IQCM: variants seen among roughly 807,000 people sequenced by gnomAD.
IQCM encodes the protein IQ domain-containing protein M.
A neutral mutation model predicts 57.6 loss-of-function variants in IQCM; 45 were observed. The observed-to-expected ratio is 0.78, with a 90% CI of 0.62 to 1.00. The LOEUF is 1.00. Ranked by LOEUF, IQCM falls within the 50% of genes least tolerant of loss-of-function variation. The probability of loss-of-function intolerance (pLI) is 0.00; values close to 1 mark genes in which losing one functional copy is unlikely to be tolerated. For synonymous variants in IQCM, 148 were observed against 158.9 expected (o/e 0.93, Z 0.51); for missense variants, 468 against 511.6 (o/e 0.91, Z 0.82).
intron 12 of IQCM, among the ~76,000 whole-genome samples, chr4:149,460,612 G>A (rs1456844017): frequency 6.6e-6 from 1 of 151,868 alleles, no homozygotes; most frequent in African/African-American, 2.4e-5. Context: ...CATCACATAA[G>A]AGGATCAATA....
chr4:149,507,634 T>TG (rs562259455), intron 12 of IQCM, among the ~76,000 whole-genome samples: 228 of 152,114 alleles, frequency 1.5e-3, no homozygotes, highest in Non-Finnish European at 2.4e-3. Flanking sequence ...ATTCAAGAGG[T>TG]GACTTGGGTA....
At chr4:149,418,504 C>T (rs963972703) in intron 13 of IQCM, among the ~76,000 whole-genome samples, 1 of 151,998 alleles carries the variant, frequency 6.6e-6, no homozygotes, top group African/African-American at 2.4e-5. Context: ...TAAATTCTAC[C>T]AGAAATACCA....
At chr4:149,480,085 A>AC (rs1237840728) in intron 12 of IQCM, among the ~76,000 whole-genome samples, 1 of 152,214 alleles carries the variant, frequency 6.6e-6, no homozygotes, top group Non-Finnish European at 1.5e-5. Context: ...TTCTCTTCAA[A>AC]CATCATAAGC....
intron 2 of IQCM, among the ~76,000 whole-genome samples, chr4:149,753,373 A>C (rs1317226216): frequency 2.0e-5 from 3 of 152,194 alleles, no homozygotes; most frequent in Non-Finnish European, 2.9e-5. Flanking sequence ...CAGAAACAAA[A>C]TAGAGATATG....
chr4:149,626,375 T>C (rs1316781102), intron 7 of IQCM, among the ~76,000 whole-genome samples: 1 of 84,332 alleles, frequency 1.2e-5, no homozygotes. Context: ...GTGATTGTGT[T>C]AGTTATACTT....
intron 12 of IQCM, among the ~76,000 whole-genome samples, chr4:149,442,939 CACACACACACACACAGAGAGAGAG>C (rs1481392398): frequency 1.9e-5 from 1 of 51,340 alleles, no homozygotes; most frequent in Non-Finnish European, 3.5e-5. Flanking sequence ...CACACACACA[CACACACACACACACAGAGAGAGAG>C]AGAGAGAGAG....
chr4:149,489,400 G>A (rs1741853045), intron 12 of IQCM, among the ~76,000 whole-genome samples: 1 of 151,968 alleles, frequency 6.6e-6, no homozygotes, highest in South Asian at 2.1e-4. Context: ...GAGCTGTTAG[G>A]CTTTTATTTA....
At chr4:149,571,344 C>T (rs942663060) in intron 9 of IQCM, among the ~76,000 whole-genome samples, 3 of 152,044 alleles carry the variant, frequency 2.0e-5, no homozygotes, top group African/African-American at 7.2e-5. Context: ...TTTGTGACAA[C>T]ATGGATATAC....
chr4:149,473,745 A>C (rs1201960049), intron 12 of IQCM, among the ~76,000 whole-genome samples: 1 of 152,210 alleles, frequency 6.6e-6, no homozygotes, highest in African/African-American at 2.4e-5. Context: ...ACAATGATAG[A>C]CTGGATTAAG....
intron 13 of IQCM, among the ~76,000 whole-genome samples, chr4:149,353,267 C>T (rs966194284): frequency 6.6e-6 from 1 of 152,082 alleles, no homozygotes; most frequent in African/African-American, 2.4e-5. Flanking sequence ...TGGCTATTAT[C>T]AAAAAGTCTA....
chr4:149,626,112 G>A (rs1013705135), intron 7 of IQCM, among the ~76,000 whole-genome samples: 1 of 151,814 alleles, frequency 6.6e-6, no homozygotes, highest in Admixed American at 6.6e-5. Flanking sequence ...GAGTCAGTGG[G>A]GTGGGAAAGG....
chr4:149,536,760 A>T (rs1031694320), intron 12 of IQCM, among the ~76,000 whole-genome samples: 3 of 152,054 alleles, frequency 2.0e-5, no homozygotes, highest in African/African-American at 7.2e-5. Flanking sequence ...GATTGCTTCA[A>T]CCAAGGAAGG....
chr4:149,668,792 C>T (rs1341127494), intron 7 of IQCM, among the ~76,000 whole-genome samples: 1 of 151,968 alleles, frequency 6.6e-6, no homozygotes, highest in Non-Finnish European at 1.5e-5. Context: ...CAGTACATAG[C>T]AATGTGATAT....
chr4:149,461,194 T>C (rs888697599), intron 12 of IQCM, among the ~76,000 whole-genome samples: 3 of 142,416 alleles, frequency 2.1e-5, no homozygotes, highest in African/African-American at 5.2e-5. Flanking sequence ...GATCGTGCCA[T>C]TGCACTCCAG....
intron 9 of IQCM, among the ~76,000 whole-genome samples, chr4:149,567,010 T>G (rs896345052): frequency 2.0e-5 from 3 of 152,174 alleles, no homozygotes; most frequent in African/African-American, 4.8e-5. Flanking sequence ...AATTAGAATA[T>G]GATATCACTT....
At chr4:149,652,662 G>T (rs954115134) in intron 7 of IQCM, among the ~76,000 whole-genome samples, 1 of 151,980 alleles carries the variant, frequency 6.6e-6, no homozygotes, top group African/African-American at 2.4e-5. Flanking sequence ...CAGAAATGAA[G>T]AGAGAAGATG....
chr4:149,462,821 A>C (rs570787102), intron 12 of IQCM, among the ~76,000 whole-genome samples: 2 of 152,344 alleles, frequency 1.3e-5, no homozygotes, highest in South Asian at 4.1e-4. Context: ...CTGCTGAATT[A>C]TTCTGGATTC....
chr4:149,589,987 G>A (rs1014024210), intron 8 of IQCM, among the ~76,000 whole-genome samples: 8 of 151,738 alleles, frequency 5.3e-5, no homozygotes, highest in African/African-American at 1.7e-4. Context: ...TGCTACTACT[G>A]TTTACACTTG....
chr4:149,528,384 T>C (rs1746390422), intron 12 of IQCM, among the ~76,000 whole-genome samples: 1 of 148,958 alleles, frequency 6.7e-6, no homozygotes, highest in African/African-American at 2.4e-5. Context: ...TCATCACTTA[T>C]CAATTCTTTG....
Sources: gnomAD v4.1 joint callset for allele counts (sites outside exome capture counted in the v4.1 genomes callset) on GRCh38, gnomAD v4.1.1 for gene constraint, MANE v1.5 for transcripts, NCBI Gene and HGNC (gene_info 2026-07-23, HGNC 2026-07-21) for gene names.